Variants in PWWP2B observed in about 807,000 individuals in gnomAD.
The protein encoded by PWWP2B is PWWP domain-containing protein 2B.
Under a neutral mutation model 15.5 loss-of-function variants are expected in PWWP2B, and 9 were observed. The ratio of observed to expected loss-of-function variants is 0.58; its 90% confidence interval spans 0.35 to 1.02. PWWP2B has a LOEUF of 1.02. Ranked by LOEUF, PWWP2B falls within the 50% of genes least tolerant of loss-of-function variation. The probability of loss-of-function intolerance (pLI) is 0.02; values close to 1 mark genes in which losing one functional copy is unlikely to be tolerated. For missense variants in PWWP2B, 864 were observed against 865.3 expected (o/e 1.00, Z 0.02); for synonymous variants, 474 against 403.6 (o/e 1.17, Z -2.09).
chr10:132,402,310 C>T (rs2069624921), intron 1 of PWWP2B, among the ~76,000 whole-genome samples: 2 of 152,268 alleles, frequency 1.3e-5, no homozygotes, highest in African/African-American at 4.8e-5. Flanking sequence ...GGGTTGCCCC[C>T]TCCCTCTGGC....
At chr10:132,407,669 C>T (rs1225793621) in intron 2 of PWWP2B, among the ~76,000 whole-genome samples, 4 of 152,226 alleles carry the variant, frequency 2.6e-5, no homozygotes, top group Non-Finnish European at 4.4e-5. Context: ...ATCTGCCTTG[C>T]TCTCCTGAGG....
chr10:132,398,042 C>T (rs774103296), intron 1 of PWWP2B, among the ~76,000 whole-genome samples: 1 of 152,196 alleles, frequency 6.6e-6, no homozygotes, highest in Non-Finnish European at 1.5e-5. Context: ...AGATGAGCCT[C>T]CTGGACACCG....
At chr10:132,399,481 G>C (rs2069586326) in intron 1 of PWWP2B, among the ~76,000 whole-genome samples, 1 of 152,276 alleles carries the variant, frequency 6.6e-6, no homozygotes, top group African/African-American at 2.4e-5. Context: ...TTGGGAGATG[G>C]CATTCTCTCC....
intron 2 of PWWP2B, among the ~76,000 whole-genome samples, chr10:132,415,697 ACT>A (rs569101730): frequency 0.018 from 2,307 of 131,690 alleles, 75 homozygotes; most frequent in African/African-American, 0.06. Context: ...ACACACATGC[ACT>A]CTCACACACA....
chr10:132,414,619 C>G (rs1046378908), intron 2 of PWWP2B, among the ~76,000 whole-genome samples: 5 of 152,236 alleles, frequency 3.3e-5, no homozygotes, highest in African/African-American at 1.2e-4. Context: ...CGGCCTCTAC[C>G]TCGCTGTCAG....
intron 1 of PWWP2B, among the ~76,000 whole-genome samples, 175 bp downstream of exon 1, chr10:132,397,526 G>A (rs951956776): frequency 2.0e-5 from 3 of 150,700 alleles, no homozygotes; most frequent in African/African-American, 7.3e-5. Flanking sequence ...ACTCGGGGGG[G>A]CAAAAGTGGT....
rs191423392 is a variant in PWWP2B at position 132,414,486 on chromosome 10, G to A, written c.*17-2575G>A. 1.8e-4 allele frequency among the ~76,000 whole-genome samples: 27 copies of A among 152,268 alleles called. No homozygotes were observed. In the South Asian group the frequency reaches 2.1e-3, roughly 12 times the overall value. ...CCACAGCACCAGCTGTGGCCTCTGC[G>A]GATCCCCCAAACAGCCCTCCTCCTG... On this transcript the variant is annotated intron_variant, in intron 2 of 2. Transcript: ENST00000305233.
intron 1 of PWWP2B, 29 bp downstream of exon 1, chr10:132,397,380 C>A: frequency 1.6e-6 from 2 of 1,230,708 alleles, no homozygotes; most frequent in Admixed American, 4.0e-5. Context: ...CGGGACACCC[C>A]CGGGGTCCCC....
chr10:132,414,423 C>T (rs984177813), intron 2 of PWWP2B, among the ~76,000 whole-genome samples: 8 of 152,162 alleles, frequency 5.3e-5, no homozygotes, highest in Non-Finnish European at 7.4e-5. Context: ...AAGGGATGGA[C>T]GAAGCAGGTT....
chr10:132,403,751 T>C (rs374078289), intron 1 of PWWP2B, among the ~76,000 whole-genome samples: 3 of 152,242 alleles, frequency 2.0e-5, no homozygotes, highest in African/African-American at 7.2e-5. Flanking sequence ...GTCCCGGCTG[T>C]GGCAGCCGCG....
rs748633789 is a variant in PWWP2B at position 132,405,123 on chromosome 10, C to G, written c.623C>G (p.Pro208Arg). The G allele has an allele frequency of 9.7e-6, 15 of 1,542,144 alleles. No individual in the cohort carries two copies. Among genetic ancestry groups the G allele is most frequent in the African/African-American group, 2.8e-5 (2 of 72,650 alleles). ...PRARRRLGSG[P>R]DRELRKPEEP... ...GCCCGCAGGAGGCTGGGCAGCGGCC[C>G]GGACAGGGAGCTCCGCAAGCCGGAG... Residue 208 changes from proline (P) to arginine (R), a missense_variant, in exon 2 of 3, where the codon CCG (proline) becomes CGG (arginine). By Grantham distance (103) the Pro-to-Arg change is moderately radical. Transcript: ENST00000305233.
At position 132,397,222 on chromosome 10, in the gene PWWP2B, G is replaced by T; in HGVS notation, c.-5G>T. 2 of 1,140,512 alleles carry T rather than the reference G, an allele frequency of 1.8e-6. No individual in the cohort carries two copies. 70.6% of individuals were successfully genotyped at this position (1,140,512 alleles called of 1,614,324 possible). The stretch of plus-strand genomic sequence containing the variant: ...GGCGGGGGCGGCCTGGGACGCGGCG[G>T]GAGCATGGAGCCGCGCGCCGGCTGC... On this transcript the variant is annotated 5_prime_UTR_variant, in exon 1 of 3. Coordinates refer to ENST00000305233, the MANE Select transcript of PWWP2B (RefSeq NM_138499.4).
chr10:132,412,265 C>G (rs2069791072), intron 2 of PWWP2B, among the ~76,000 whole-genome samples: 1 of 152,260 alleles, frequency 6.6e-6, no homozygotes, highest in East Asian at 1.9e-4. Context: ...TTGTGCCCAC[C>G]TCTGGTGAGA....
At chr10:132,410,279 G>A (rs2133161471) in intron 2 of PWWP2B, among the ~76,000 whole-genome samples, 1 of 152,152 alleles carries the variant, frequency 6.6e-6, no homozygotes, top group African/African-American at 2.4e-5. Context: ...GGCATCTCAG[G>A]GGAAAGCTCA....
At position 132,406,136 on chromosome 10, in the gene PWWP2B, CCT is replaced by C; in HGVS notation, c.1637_1638del (p.Pro546LeufsTer3). ...GTTCTTGTCTATTTCAAAACTCTCC[CCT>C]TTCTCTGAATTTTTCAAACTGAGAT... ...TSFLSISKLS[P>X]FSEFFKLRFN... On this transcript the variant is annotated frameshift_variant, in exon 2 of 3. Transcript: ENST00000305233. LOFTEE classifies it low-confidence loss of function (END_TRUNC). 1 of 1,613,730 alleles carries C rather than the reference CCT, an allele frequency of 6.2e-7. No individual in the cohort carries two copies. The highest frequency in any genetic ancestry group is 8.5e-7 in the Non-Finnish European group (1 of 1,180,018).
intron 2 of PWWP2B, among the ~76,000 whole-genome samples, chr10:132,415,939 C>G (rs1191665286): frequency 1.3e-5 from 2 of 152,228 alleles, no homozygotes; most frequent in African/African-American, 4.8e-5. Flanking sequence ...TCCCCTCTTA[C>G]ATTCATGCTC....
At position 132,405,464 on chromosome 10, in the gene PWWP2B, G is replaced by C; in HGVS notation, c.964G>C (p.Val322Leu). Reference protein sequence around the residue: ...SIPKLKLTRPVPAGADLPPPK... With the variant: ...SIPKLKLTRPLPAGADLPPPK... ...CCCCAAGTTGAAACTGACACGGCCT[G>C]TGCCGGCCGGCGCGGACCTGCCGCC... The change falls in exon 2 of 3, where the codon GTG (valine) becomes CTG (leucine). Residue 322 changes from valine to leucine, a missense_variant. By Grantham distance (32) the Val-to-Leu change is conservative. This residue lies in a region of PWWP2B where 736 missense variants were observed against 687.7 expected (regional missense o/e 1.07). Transcript: ENST00000305233. 6 of 1,606,810 alleles carry C rather than the reference G, an allele frequency of 3.7e-6. No individual in the cohort carries two copies. Among genetic ancestry groups the C allele is most frequent in the Non-Finnish European group, 3.4e-6 (4 of 1,179,406 alleles).
chr10:132,412,203 TG>T lies in PWWP2B; in HGVS notation c.*17-4852del, dbSNP rs543783482. On this transcript the variant is annotated intron_variant, in intron 2 of 2. Coordinates refer to ENST00000305233, the MANE Select transcript of PWWP2B (RefSeq NM_138499.4). ...TGGGACATGGGGGACTTTCCCAGTG[TG>T]GGGGGACACTGCTGGAGGCCCCTGC... Among the ~76,000 whole-genome samples, 14 of 152,300 alleles carry T rather than the reference TG, an allele frequency of 9.2e-5. 1 individual carries two copies. Among genetic ancestry groups the T allele is most frequent in the Admixed American group, 9.2e-4 (14 of 15,298 alleles).
intron 2 of PWWP2B, among the ~76,000 whole-genome samples, chr10:132,415,174 G>T (rs2069828551): frequency 6.6e-6 from 1 of 152,034 alleles, no homozygotes. Flanking sequence ...AAGAGGCTGA[G>T]ATCTCTCCTG....
Sources: allele counts gnomAD v4.1 joint callset (sites outside exome capture counted in the v4.1 genomes callset), GRCh38; gene constraint gnomAD v4.1.1; regional missense constraint gnomAD v4.1.1; transcripts MANE v1.5; gene names NCBI Gene and HGNC (gene_info 2026-07-23, HGNC 2026-07-21).